RHOBTB2: variants seen among roughly 807,000 people sequenced by gnomAD.
RHOBTB2 encodes Rho related BTB domain containing 2, also known as rho-related BTB domain-containing protein 2.
Under a neutral mutation model 66.5 loss-of-function variants are expected in RHOBTB2, and 39 were observed. The observed-to-expected ratio is 0.59, with a 90% confidence interval of 0.45 to 0.77. RHOBTB2 has a LOEUF of 0.77. RHOBTB2 is among the 30% of genes least tolerant of loss of function. The pLI is 0.00. For synonymous variants in RHOBTB2, 390 were observed against 395.0 expected, an observed-to-expected ratio of 0.99 and a Z score of 0.15; for missense variants, 755 against 999.1, an observed-to-expected ratio of 0.76 and a Z score of 3.29.
chr8:22,956,460 GC>G, the RHOBTB2 span, among the ~76,000 whole-genome samples: 1 of 152,108 alleles, frequency 6.6e-6, no homozygotes, highest in South Asian at 2.1e-4. Flanking sequence ...AAAGTGTGTA[GC>G]CCCTCCCCCT....
rs1336620925 is a variant in RHOBTB2, at chr8:23,007,499, C to T, written c.1254C>T (p.Asp418=). ...GGCTGATGGTGGTGGTGAAGATGGA[C>T]AGTTCCATCCAGCCGGGGCCCTTCC... ...KSRLMVVVKM[D]SSIQPGPFRA... Residue 418 remains aspartate, a synonymous_variant, in exon 5 of 10, where the codon GAC becomes GAT. Transcript: ENST00000251822. 2 of 1,614,136 alleles carry T rather than the reference C, an allele frequency of 1.2e-6. No individual in the cohort carries two copies. Among genetic ancestry groups the T allele is most frequent in the South Asian group, 1.1e-5 (1 of 91,084 alleles).
the RHOBTB2 span, among the ~76,000 whole-genome samples, chr8:22,981,843 A>C: frequency 4.6e-5 from 7 of 152,170 alleles, no homozygotes; most frequent in Admixed American, 6.5e-5. Flanking sequence ...CCTGGCCCTG[A>C]GCCCAGTCAG....
the RHOBTB2 span, among the ~76,000 whole-genome samples, chr8:22,970,632 T>C: frequency 6.6e-6 from 1 of 152,026 alleles, no homozygotes; most frequent in Non-Finnish European, 1.5e-5. Context: ...GATTTATTTT[T>C]TATTTTTTGT....
At chr8:22,997,765 C>T (rs1563286889), upstream of RHOBTB2, among the ~76,000 whole-genome samples, 1 of 152,164 alleles carries the variant, frequency 6.6e-6, no homozygotes, top group African/African-American at 2.4e-5. Flanking sequence ...CAGCTGGTCT[C>T]TGGAGGTGGG....
chr8:22,987,396 C>G (rs932388623), upstream of RHOBTB2: 1 of 152,504 alleles, frequency 6.6e-6, no homozygotes, highest in Non-Finnish European at 1.5e-5. Context: ...AGCAGGCCGG[C>G]CCCCTGGTCA....
At chr8:22,998,819 C>G (rs1291345270), upstream of RHOBTB2, 2 of 151,146 alleles carry the variant, frequency 1.3e-5, no homozygotes, top group African/African-American at 4.9e-5. Context: ...AGATGTTATA[C>G]CTTAGAATCT....
chr8:22,970,752 C>T, the RHOBTB2 span, among the ~76,000 whole-genome samples: 2 of 152,136 alleles, frequency 1.3e-5, no homozygotes, highest in South Asian at 2.1e-4. Context: ...CCACTATGCC[C>T]GACCACAAAA....
At position 23,018,512 on chromosome 8, in the gene RHOBTB2, T is replaced by G. The variant is rs1811369209; in HGVS notation, c.*1043T>G. 6.6e-6 allele frequency: 1 copy of G among 152,322 alleles called. No homozygotes were observed. Among genetic ancestry groups the G allele is most frequent in the Admixed American group, 6.5e-5 (1 of 15,288 alleles). The allele number at this position is 152,322 out of a possible 1,614,324, so 9.4% of individuals were successfully genotyped here. A position where few individuals can be genotyped will look rare whatever the true frequency, so the allele number is the denominator to read the frequency against. ...GGAGGTGAAGATTTAGGTTGCAGAA[T>G]CGACTCCAATGCCTTTCAGGAAAGG... On this transcript the variant is annotated 3_prime_UTR_variant, in exon 10 of 10. Transcript: ENST00000251822.
intron 9 of RHOBTB2, 129 bp downstream of exon 9, chr8:23,015,872 G>A (rs1811276761): frequency 2.9e-6 from 2 of 691,796 alleles, no homozygotes; most frequent in Admixed American, 2.8e-5. Context: ...AGCCTGCAAA[G>A]GAGCCTCCAG....
At chr8:22,983,890 A>G (rs561991738), upstream of RHOBTB2, among the ~76,000 whole-genome samples, 1 of 152,140 alleles carries the variant, frequency 6.6e-6, no homozygotes, top group African/African-American at 2.4e-5. Flanking sequence ...GTGCGCCACC[A>G]CGCCCAGCTA....
the RHOBTB2 span, among the ~76,000 whole-genome samples, chr8:22,958,711 A>G: frequency 7.2e-6 from 1 of 138,290 alleles, no homozygotes; most frequent in African/African-American, 2.6e-5. Context: ...TGAGGTGGGG[A>G]GGATTGCTTG....
At chr8:23,005,277 G>C (rs1810912683) in intron 2 of RHOBTB2, 95 bp from the exon 3 acceptor site, 2 of 876,880 alleles carry the variant, frequency 2.3e-6, no homozygotes, top group African/African-American at 1.6e-5. Context: ...TGATGTCTGG[G>C]GCCCCCAGGT....
Position 23,010,607 on chromosome 8 carries a change from ACCTCCAGCC to A in RHOBTB2, c.1693_1701del (p.Ser565_Pro567del). 1 of 1,613,852 alleles carries A rather than the reference ACCTCCAGCC, an allele frequency of 6.2e-7. No individual in the cohort carries two copies. Among genetic ancestry groups the A allele is most frequent in the Non-Finnish European group, 8.5e-7 (1 of 1,179,974 alleles). ...GGAATACCTCTACACCGGCATGTTC[ACCTCCAGCC>A]CCGACCTGGATGACATGAAGCTCAT... is the stretch of plus-strand genomic sequence containing the variant. On this transcript the variant is annotated inframe_deletion, in exon 7 of 10. Transcript: ENST00000251822.
chr8:22,977,653 A>T, the RHOBTB2 span, among the ~76,000 whole-genome samples: 1 of 152,028 alleles, frequency 6.6e-6, no homozygotes, highest in Non-Finnish European at 1.5e-5. Context: ...GTGGTAGGAG[A>T]ACTGGTTAAT....
chr8:23,010,541 G>T lies in RHOBTB2; in HGVS notation c.1624G>T (p.Val542Leu). 2 of 1,612,644 alleles carry T rather than the reference G, an allele frequency of 1.2e-6. No homozygotes were observed. Among genetic ancestry groups the T allele is most frequent in the Non-Finnish European group, 8.5e-7 (1 of 1,179,170 alleles). The change falls in exon 7 of 10, where the codon GTG (valine) becomes TTG (leucine). Residue 542 changes from valine to leucine, a missense_variant. Around this residue, in one of 7 missense-constraint regions of RHOBTB2, gnomAD observed 353 missense variants for 458.2 expected, o/e 0.77. Transcript: ENST00000251822. ...PFVESSTREV[V>L]FPYTSKSCMR... ...CGCTCACTCCTTCCCTCCCCAGGTG[G>T]TGTTTCCCTACACAAGCAAGAGCTG...
the RHOBTB2 span, among the ~76,000 whole-genome samples, chr8:22,950,841 G>C: frequency 2.0e-5 from 3 of 152,178 alleles, no homozygotes; most frequent in Non-Finnish European, 4.4e-5. Context: ...TGTACACGTG[G>C]AAGTAAGGAG....
At chr8:22,995,899 G>A (rs1317758449), upstream of RHOBTB2, 8 of 1,550,802 alleles carry the variant, frequency 5.2e-6, no homozygotes, top group East Asian at 2.0e-4. Context: ...AGCCTGCAAA[G>A]TGTTGAAGGG....
intron 1 of RHOBTB2, among the ~76,000 whole-genome samples, chr8:22,991,226 C>T (rs1810417756): frequency 6.6e-6 from 1 of 152,142 alleles, no homozygotes; most frequent in South Asian, 2.1e-4. Flanking sequence ...CAGGAAACTT[C>T]TGGCCGGCTT....
intron 6 of RHOBTB2, among the ~76,000 whole-genome samples, 177 bp from the exon 7 acceptor site, chr8:23,010,361 G>A (rs147246647): frequency 1.3e-5 from 2 of 152,270 alleles, no homozygotes; most frequent in East Asian, 1.9e-4. Flanking sequence ...ACAGGTTGTC[G>A]CTCTAGGGGT....
Sources: allele counts gnomAD v4.1 joint callset (sites outside exome capture counted in the v4.1 genomes callset), GRCh38; gene constraint gnomAD v4.1.1; regional missense constraint gnomAD v4.1.1; transcripts MANE v1.5; gene names NCBI Gene and HGNC (gene_info 2026-07-23, HGNC 2026-07-21).